Variants in VEGFC observed in about 807,000 individuals in gnomAD.
The protein encoded by VEGFC is vascular endothelial growth factor C.
In VEGFC, 12 loss-of-function variants were observed where a neutral mutation model predicts 46.1. That is an observed-to-expected ratio of 0.26 (90% confidence interval 0.17 to 0.42). The LOEUF is 0.42. Among genes scored for constraint, VEGFC ranks in the 10% least tolerant of loss-of-function variants. The pLI is 1.00. For synonymous variants in VEGFC, 232 were observed against 195.5 expected (o/e 1.19, Z -1.56); for missense variants, 488 against 529.4 (o/e 0.92, Z 0.77).
intron 1 of VEGFC, among the ~76,000 whole-genome samples, chr4:176,737,588 T>C (rs934974861): frequency 1.3e-5 from 2 of 151,074 alleles, no homozygotes; most frequent in Admixed American, 6.6e-5. Context: ...AGGCCCCAAA[T>C]AATAATATAA....
At chr4:176,730,128 T>C (rs1370984067) in intron 1 of VEGFC, among the ~76,000 whole-genome samples, 3 of 152,220 alleles carry the variant, frequency 2.0e-5, no homozygotes, top group Admixed American at 2.0e-4. Context: ...AATGCTTTGC[T>C]TTATTTTTAG....
chr4:176,690,688 T>C (rs1357291050), intron 4 of VEGFC, among the ~76,000 whole-genome samples: 1 of 152,230 alleles, frequency 6.6e-6, no homozygotes, highest in Non-Finnish European at 1.5e-5. Context: ...TGATACAACT[T>C]ATATTAAGTT....
At chr4:176,711,714 A>C in intron 3 of VEGFC, 64 bp from the exon 4 acceptor site, 1 of 1,543,296 alleles carries the variant, frequency 6.5e-7, no homozygotes, top group East Asian at 2.3e-5. Context: ...TTTATGGTAA[A>C]TATTGGAGTC....
intron 6 of VEGFC, 118 bp from the exon 7 acceptor site, chr4:176,684,158 A>C: frequency 1.3e-6 from 1 of 772,408 alleles, no homozygotes; most frequent in Non-Finnish European, 2.1e-6. Flanking sequence ...TAATTTTATG[A>C]CGAAATTGTT....
Position 176,792,886 on chromosome 4 carries a change from G to A in VEGFC, c.-575C>T, listed in dbSNP as rs1451461251. The stretch of plus-strand genomic sequence containing the variant: ...TCCTCCAGAGCGCGCCGGGCTGAGC[G>A]GCGGCGGCGGCGGCGGCGGGCGCAG... On this transcript the variant is annotated 5_prime_UTR_variant, in exon 1 of 7. Coordinates refer to ENST00000618562, the MANE Select transcript of VEGFC (RefSeq NM_005429.5). The surrounding 1 kb of genome is among the most constrained non-coding windows in gnomAD (Gnocchi z 6.3). 6.8e-6 allele frequency among the ~76,000 whole-genome samples: 1 copy of A among 148,130 alleles called. No individual in the cohort carries two copies. Among genetic ancestry groups the A allele is most frequent in the Non-Finnish European group, 1.5e-5 (1 of 66,532 alleles).
rs1462135358 is a variant in VEGFC at position 176,683,694 on chromosome 4, C to A, written c.*232G>T. On this transcript the variant is annotated 3_prime_UTR_variant, in exon 7 of 7. Transcript: ENST00000618562. ...TATAGTCATTCTTTTAAAGAAATCA[C>A]AAGAGGAAAATCTTGGCTGTTTGGT... 8.5e-6 allele frequency: 3 copies of A among 351,264 alleles called. No homozygotes were observed. Among genetic ancestry groups the A allele is most frequent in the Non-Finnish European group, 1.0e-5 (2 of 196,092 alleles). The allele number at this position is 351,264 out of a possible 1,614,324, so 21.8% of individuals were successfully genotyped here.
chr4:176,792,398 CTGGTCCCTCT>C lies in VEGFC; in HGVS notation c.-97_-88del. On this transcript the variant is annotated 5_prime_UTR_variant, in exon 1 of 7. Coordinates refer to ENST00000618562, the MANE Select transcript of VEGFC (RefSeq NM_005429.5). The surrounding 1 kb of genome is among the most constrained non-coding windows in gnomAD (Gnocchi z 6.3). Reference sequence around the variant, plus strand: ...GCCCCTGCGAGGCCGCGGGCCCCTCCTGGTCCCTCTCCCCCGGGCTCCTCCCGGCGACCCC... The same window carrying C: ...GCCCCTGCGAGGCCGCGGGCCCCTCCCCCCCGGGCTCCTCCCGGCGACCCC... 1 of 1,081,408 alleles carries C rather than the reference CTGGTCCCTCT, an allele frequency of 9.2e-7. No individual in the cohort carries two copies. The highest frequency in any genetic ancestry group is 1.2e-6 in the Non-Finnish European group (1 of 807,042). The allele number at this position is 1,081,408 out of a possible 1,614,324, so 67.0% of individuals were successfully genotyped here.
At chr4:176,757,826 A>G (rs141982369) in intron 1 of VEGFC, among the ~76,000 whole-genome samples, 394 of 152,126 alleles carry the variant, frequency 2.6e-3, no homozygotes, top group Non-Finnish European at 3.9e-3. Flanking sequence ...TAATTAACCT[A>G]ATTAAAGATT....
intron 1 of VEGFC, among the ~76,000 whole-genome samples, chr4:176,734,775 C>T (rs995069150): frequency 6.6e-6 from 1 of 151,750 alleles, no homozygotes; most frequent in Non-Finnish European, 1.5e-5. Context: ...GTTTATTATA[C>T]ATTCATATCC....
intron 1 of VEGFC, among the ~76,000 whole-genome samples, chr4:176,789,395 A>G (rs716712): frequency 0.75 from 114,287 of 152,214 alleles, 46,691 homozygotes; most frequent in East Asian, 0.99. Context: ...TCAGATATTC[A>G]TAGTTCAGAA....
intron 1 of VEGFC, among the ~76,000 whole-genome samples, chr4:176,738,000 A>C (rs1735085084): frequency 1.3e-5 from 2 of 151,786 alleles, no homozygotes; most frequent in Non-Finnish European, 2.9e-5. Context: ...TAACAAGGGA[A>C]GTGAAAGACC....
At chr4:176,731,553 T>C (rs1435372026) in intron 1 of VEGFC, among the ~76,000 whole-genome samples, 1 of 151,862 alleles carries the variant, frequency 6.6e-6, no homozygotes, top group Non-Finnish European at 1.5e-5. Context: ...GATCAGTTTT[T>C]GTTTGTCTCT....
At chr4:176,765,716 G>A (rs1017040922) in intron 1 of VEGFC, among the ~76,000 whole-genome samples, 9 of 151,736 alleles carry the variant, frequency 5.9e-5, no homozygotes, top group Admixed American at 2.6e-4. Context: ...CACCACACCC[G>A]GCTAATTTTT....
chr4:176,729,141 AG>A (rs1258712309), intron 2 of VEGFC, among the ~76,000 whole-genome samples: 2 of 152,222 alleles, frequency 1.3e-5, no homozygotes, highest in Non-Finnish European at 2.9e-5. Flanking sequence ...ACATCTGAAA[AG>A]GTGATTTCAA....
intron 3 of VEGFC, among the ~76,000 whole-genome samples, chr4:176,719,845 G>A (rs1319782767): frequency 6.6e-6 from 1 of 152,134 alleles, no homozygotes; most frequent in Non-Finnish European, 1.5e-5. Context: ...TGGATCACTT[G>A]AAGTCAGGAG....
At chr4:176,692,415 C>CAAAA (rs754971358) in intron 4 of VEGFC, among the ~76,000 whole-genome samples, 1 of 123,030 alleles carries the variant, frequency 8.1e-6, no homozygotes. Context: ...AACAAACAAA[C>CAAAA]AAAAAAAAAA....
chr4:176,738,941 T>C (rs1042635815), intron 1 of VEGFC, among the ~76,000 whole-genome samples: 16 of 151,728 alleles, frequency 1.1e-4, no homozygotes, highest in Non-Finnish European at 2.4e-4. Context: ...TTTTATAATA[T>C]AATGATTTAT....
intron 4 of VEGFC, among the ~76,000 whole-genome samples, chr4:176,692,609 C>G (rs1734219015): frequency 7.1e-6 from 1 of 140,272 alleles, no homozygotes; most frequent in Non-Finnish European, 1.5e-5. Context: ...GAAGCTCGAA[C>G]TGGGTGGAGC....
chr4:176,761,940 T>C (rs1435507434), intron 1 of VEGFC, among the ~76,000 whole-genome samples: 1 of 152,128 alleles, frequency 6.6e-6, no homozygotes, highest in Non-Finnish European at 1.5e-5. Flanking sequence ...AAGAAAGCAA[T>C]TAAGAGTAAG....
Sources: gnomAD v4.1 joint callset for allele counts (sites outside exome capture counted in the v4.1 genomes callset) on GRCh38, gnomAD v4.1.1 for gene constraint, Gnocchi (gnomAD v3.1) non-coding constraint, MANE v1.5 for transcripts, NCBI Gene and HGNC (gene_info 2026-07-23, HGNC 2026-07-21) for gene names.